The following GABBR2 variants were observed in gnomAD, a reference collection of about 807,000 sequenced individuals.
GABBR2 encodes the protein G-protein coupled receptor 51.
A neutral mutation model predicts 105.6 loss-of-function variants in GABBR2; 23 were observed. The ratio of observed to expected loss-of-function variants is 0.22; its 90% confidence interval spans 0.16 to 0.31. The LOEUF (loss-of-function observed/expected upper bound fraction) is 0.31, where lower values mean the gene tolerates loss of function less well. Among genes scored for constraint, GABBR2 ranks in the 10% least tolerant of loss-of-function variants. GABBR2 has a pLI of 1.00. For missense variants in GABBR2, 734 were observed against 1,245.5 expected, an observed-to-expected ratio of 0.59 and a Z score of 6.18; for synonymous variants, 478 against 499.7, an observed-to-expected ratio of 0.96 and a Z score of 0.58.
intron 3 of GABBR2, chr9:98,538,540 G>GCC: frequency 1.1e-6 from 1 of 921,630 alleles, no homozygotes; most frequent in Non-Finnish European, 1.3e-6. Context: ...GTTACCATGG[G>GCC]CTTACCTTGA....
chr9:98,323,066 G>A (rs1830853617), intron 13 of GABBR2, among the ~76,000 whole-genome samples: 1 of 152,084 alleles, frequency 6.6e-6, no homozygotes, highest in South Asian at 2.1e-4. Context: ...GACATTAAAC[G>A]AGGCTCCGTA....
chr9:98,339,434 A>T (rs542428937), intron 13 of GABBR2, among the ~76,000 whole-genome samples: 28 of 152,194 alleles, frequency 1.8e-4, no homozygotes, highest in Non-Finnish European at 3.7e-4. Context: ...CAGTGACTTC[A>T]ACAATAAAGG....
intron 3 of GABBR2, among the ~76,000 whole-genome samples, chr9:98,505,328 G>A (rs778521987): frequency 6.6e-5 from 10 of 152,162 alleles, no homozygotes; most frequent in African/African-American, 9.7e-5. Context: ...AAAATGTAAA[G>A]GGCAAGTGTG....
chr9:98,414,764 C>G (rs1373991953), intron 7 of GABBR2, among the ~76,000 whole-genome samples: 2 of 152,122 alleles, frequency 1.3e-5, no homozygotes, highest in East Asian at 3.9e-4. Flanking sequence ...GTGGGAGGGA[C>G]ATGGTACTCC....
At position 98,409,735 on chromosome 9, in the gene GABBR2, G is replaced by A. The variant is rs149143131; in HGVS notation, c.1237-3594C>T. Among the ~76,000 whole-genome samples the A allele has an allele frequency of 1.3e-3, 202 of 152,274 alleles. 1 individual carries two copies. Among genetic ancestry groups the A allele is most frequent in the African/African-American group, 4.5e-3 (187 of 41,560 alleles). On this transcript the variant is annotated intron_variant, in intron 7 of 18. Transcript: ENST00000259455. ...CCTGCTGCCTCAATTCAGGACACCCGTGAAGGACCATGGAATCCCGAGGTC... is the reference window on the plus strand; with the variant it reads ...CCTGCTGCCTCAATTCAGGACACCCATGAAGGACCATGGAATCCCGAGGTC...
At chr9:98,386,057 C>T (rs1331526404) in intron 10 of GABBR2, among the ~76,000 whole-genome samples, 1 of 152,180 alleles carries the variant, frequency 6.6e-6, no homozygotes, top group Admixed American at 6.5e-5. Context: ...TACTGTTTGT[C>T]CTTCACTAAA....
chr9:98,612,526 C>A (rs1056005350), intron 1 of GABBR2, among the ~76,000 whole-genome samples: 4 of 152,226 alleles, frequency 2.6e-5, no homozygotes, highest in Non-Finnish European at 5.9e-5. Context: ...ACAGCCTCAT[C>A]TGTTTCCTGG....
intron 1 of GABBR2, among the ~76,000 whole-genome samples, chr9:98,589,400 A>G (rs564535512): frequency 1.1e-4 from 16 of 152,234 alleles, no homozygotes; most frequent in Admixed American, 5.2e-4. Context: ...TGACATAAGC[A>G]AGAAATAACT....
chr9:98,508,795 C>G (rs1288113800), intron 3 of GABBR2, among the ~76,000 whole-genome samples: 1 of 152,028 alleles, frequency 6.6e-6, no homozygotes, highest in African/African-American at 2.4e-5. Context: ...TGGAGCCCAC[C>G]ACAGCTCAAG....
chr9:98,498,100 G>A (rs1029230883), intron 3 of GABBR2, among the ~76,000 whole-genome samples: 4 of 152,138 alleles, frequency 2.6e-5, no homozygotes, highest in Non-Finnish European at 5.9e-5. Context: ...GAGCCTTGAA[G>A]ACATCATGCT....
At position 98,574,251 on chromosome 9, in the gene GABBR2, T is replaced by C. The variant is rs531513415; in HGVS notation, c.459+3684A>G. Reference sequence around the variant, plus strand: ...ACTACACCTTGGTACTATTCCTCTCTAAATAAGAGCTAATTTGTGTGATCC... The same window carrying C: ...ACTACACCTTGGTACTATTCCTCTCCAAATAAGAGCTAATTTGTGTGATCC... On this transcript the variant is annotated intron_variant, in intron 2 of 18. Coordinates refer to ENST00000259455, the MANE Select transcript of GABBR2 (RefSeq NM_005458.8). 1.5e-3 allele frequency among the ~76,000 whole-genome samples: 223 copies of C among 152,374 alleles called. 1 individual carries two copies. Among genetic ancestry groups the C allele is most frequent in the Non-Finnish European group, 2.7e-3 (186 of 68,034 alleles).
intron 13 of GABBR2, among the ~76,000 whole-genome samples, chr9:98,348,463 T>C (rs1588114909): frequency 1.3e-5 from 2 of 152,248 alleles, no homozygotes; most frequent in Non-Finnish European, 2.9e-5. Context: ...TTTCTATTTC[T>C]GTGAAGAATG....
At chr9:98,568,338 G>A (rs554720452) in intron 2 of GABBR2, among the ~76,000 whole-genome samples, 2 of 152,306 alleles carry the variant, frequency 1.3e-5, no homozygotes, top group East Asian at 3.9e-4. Flanking sequence ...ATGACACTGT[G>A]GTGTAGAGAC....
At chr9:98,408,851 G>A (rs1039088100) in intron 7 of GABBR2, among the ~76,000 whole-genome samples, 5 of 152,206 alleles carry the variant, frequency 3.3e-5, no homozygotes, top group Admixed American at 6.5e-5. Context: ...GCAGTTGTGC[G>A]ATCTTGGCTT....
chr9:98,623,407 C>A (rs1305276069), intron 1 of GABBR2, among the ~76,000 whole-genome samples: 1 of 152,138 alleles, frequency 6.6e-6, no homozygotes, highest in Admixed American at 6.5e-5. Context: ...CCAGCCTGTG[C>A]AACAGAGTAA....
At chr9:98,496,129 A>T in intron 4 of GABBR2, 3 of 425,624 alleles carry the variant, frequency 7.0e-6, no homozygotes. Flanking sequence ...CATGACAATC[A>T]TGTGTGCCCT....
At chr9:98,336,810 G>C (rs1831123588) in intron 13 of GABBR2, among the ~76,000 whole-genome samples, 1 of 121,724 alleles carries the variant, frequency 8.2e-6, no homozygotes, top group South Asian at 2.7e-4. Flanking sequence ...TTGGCAGAAT[G>C]AATTAAAAAA....
intron 13 of GABBR2, among the ~76,000 whole-genome samples, chr9:98,315,414 G>A (rs188184539): frequency 2.0e-5 from 3 of 152,334 alleles, no homozygotes; most frequent in East Asian, 3.9e-4. Context: ...CAGAGGTTAC[G>A]GTGGCAGGGG....
intron 6 of GABBR2, among the ~76,000 whole-genome samples, chr9:98,461,501 T>C (rs1297132655): frequency 1.3e-5 from 2 of 152,212 alleles, no homozygotes; most frequent in African/African-American, 4.8e-5. Context: ...TTTCAATAAA[T>C]AGTCCTGAAT....
Sources: gnomAD v4.1 joint callset for allele counts (sites outside exome capture counted in the v4.1 genomes callset) on GRCh38, gnomAD v4.1.1 for gene constraint, MANE v1.5 for transcripts, NCBI Gene and HGNC (gene_info 2026-07-23, HGNC 2026-07-21) for gene names.